The following ZFPM2 variants were observed in gnomAD, a reference collection of about 807,000 sequenced individuals.
ZFPM2 encodes zinc finger protein ZFPM2.
In ZFPM2, 20 loss-of-function variants were observed where a neutral mutation model predicts 98.6. The ratio of observed to expected loss-of-function variants is 0.20; its 90% CI spans 0.14 to 0.29. ZFPM2 has a LOEUF of 0.29. Among genes scored for constraint, ZFPM2 ranks in the 10% least tolerant of loss-of-function variants. The pLI is 1.00. For missense variants in ZFPM2, 1,310 were observed against 1,388.6 expected, an observed-to-expected ratio of 0.94 and a Z score of 0.90; for synonymous variants, 518 against 502.7, an observed-to-expected ratio of 1.03 and a Z score of -0.41.
intron 1 of ZFPM2, among the ~76,000 whole-genome samples, chr8:105,384,041 T>C (rs1480253077): frequency 1.3e-5 from 2 of 152,144 alleles, no homozygotes; most frequent in Admixed American, 6.6e-5. Flanking sequence ...GGAAATATGC[T>C]ATAATTAATT....
At chr8:105,792,511 T>C (rs1813647706) in intron 6 of ZFPM2, among the ~76,000 whole-genome samples, 1 of 152,210 alleles carries the variant, frequency 6.6e-6, no homozygotes, top group East Asian at 1.9e-4. Flanking sequence ...TACTTCCAAC[T>C]GTGTAGTCAA....
intron 3 of ZFPM2, among the ~76,000 whole-genome samples, chr8:105,489,283 G>C (rs540051868): frequency 2.0e-5 from 3 of 150,934 alleles, no homozygotes; most frequent in African/African-American, 7.3e-5. Flanking sequence ...AATAATGTCG[G>C]TAATAAGATG....
intron 3 of ZFPM2, among the ~76,000 whole-genome samples, chr8:105,535,635 C>T (rs879652955): frequency 6.6e-6 from 1 of 152,140 alleles, no homozygotes; most frequent in Non-Finnish European, 1.5e-5. Flanking sequence ...TAAAGTCAGT[C>T]TCAGGCCTAG....
At chr8:105,710,867 T>C (rs1294195452) in intron 5 of ZFPM2, among the ~76,000 whole-genome samples, 1 of 152,122 alleles carries the variant, frequency 6.6e-6, no homozygotes, top group Non-Finnish European at 1.5e-5. Context: ...TAGTAACTTA[T>C]TCGTAAGGTC....
chr8:105,797,767 CTCA>C (rs1226818580), intron 6 of ZFPM2, among the ~76,000 whole-genome samples: 1 of 152,188 alleles, frequency 6.6e-6, no homozygotes, highest in Non-Finnish European at 1.5e-5. Context: ...TCAGGCTGAG[CTCA>C]TCATCTTCCC....
At chr8:105,377,930 G>C (rs1002892354) in intron 1 of ZFPM2, among the ~76,000 whole-genome samples, 4 of 152,126 alleles carry the variant, frequency 2.6e-5, no homozygotes, top group Admixed American at 1.3e-4. Context: ...AGAGTATTCT[G>C]TTTCCCTTTC....
At position 105,726,237 on chromosome 8, in the gene ZFPM2, A is replaced by G. The variant is rs1461935223; in HGVS notation, c.533-62481A>G. On this transcript the variant is annotated intron_variant, in intron 5 of 7. Transcript: ENST00000407775. ...TTAATAAGAATTATTTGGAGAGGCT[A>G]AAGTGTCATTAACAGCCAAATGCTA... Among the ~76,000 whole-genome samples, 4 of 151,574 alleles carry G rather than the reference A, an allele frequency of 2.6e-5. No individual in the cohort carries two copies. In the East Asian group the frequency reaches 7.8e-4, roughly 30 times the overall value.
chr8:105,514,113 C>T (rs1369955512), intron 3 of ZFPM2, among the ~76,000 whole-genome samples: 1 of 151,392 alleles, frequency 6.6e-6, no homozygotes, highest in Non-Finnish European at 1.5e-5. Context: ...AGTGATTCTC[C>T]TGCCTCAGCC....
intron 1 of ZFPM2, among the ~76,000 whole-genome samples, chr8:105,385,952 G>A (rs1428252314): frequency 6.6e-6 from 1 of 152,176 alleles, no homozygotes; most frequent in Non-Finnish European, 1.5e-5. Context: ...CCACCTCCAT[G>A]TGACCTTGAG....
intron 2 of ZFPM2, among the ~76,000 whole-genome samples, chr8:105,438,350 G>A (rs1364099706): frequency 6.6e-6 from 1 of 152,154 alleles, no homozygotes; most frequent in African/African-American, 2.4e-5. Flanking sequence ...TGTATTCTCA[G>A]TGCCCAACAC....
chr8:105,326,210 A>G (rs751648357), intron 1 of ZFPM2, among the ~76,000 whole-genome samples: 15 of 151,756 alleles, frequency 9.9e-5, no homozygotes, highest in Non-Finnish European at 1.5e-4. Flanking sequence ...TACAAATATA[A>G]TAAAAGATCG....
chr8:105,795,926 A>G, intron 6 of ZFPM2: 1 of 277,912 alleles, frequency 3.6e-6, no homozygotes, highest in Non-Finnish European at 7.2e-6. Context: ...CTAATCAAAA[A>G]TATACTTTAA....
At chr8:105,557,916 A>G (rs1223900757) in intron 3 of ZFPM2, among the ~76,000 whole-genome samples, 1 of 152,120 alleles carries the variant, frequency 6.6e-6, no homozygotes. Flanking sequence ...TAGGGAAGGA[A>G]AATCATGCTA....
At chr8:105,609,997 G>T (rs1430185123) in intron 4 of ZFPM2, among the ~76,000 whole-genome samples, 13 of 152,118 alleles carry the variant, frequency 8.5e-5, no homozygotes, top group Admixed American at 8.5e-4. Flanking sequence ...ACCACCCATC[G>T]CAGCCCTCTT....
intron 3 of ZFPM2, among the ~76,000 whole-genome samples, chr8:105,506,432 TTAAAAA>T (rs1156474136): frequency 6.6e-6 from 1 of 152,214 alleles, no homozygotes; most frequent in Non-Finnish European, 1.5e-5. Flanking sequence ...AGATTATTTC[TTAAAAA>T]TGAAATATAA....
rs1814032513 is a variant in ZFPM2 at position 105,801,917 on chromosome 8, A to G, written c.1835A>G (p.His612Arg). The part of the protein sequence containing the change: ...TSINLLNPAA[H>R]SADPENPLLQ... ...ATAAACCTTCTCAACCCAGCTGCTC[A>G]TTCTGCTGATCCTGAGAATCCACTT... Residue 612 changes from histidine to arginine, a missense_variant, in exon 8 of 8, where the codon CAT (histidine) becomes CGT (arginine). Transcript: ENST00000407775. The G allele has an allele frequency of 1.9e-6, 3 of 1,613,936 alleles. No homozygotes were observed. The highest frequency in any genetic ancestry group is 2.7e-5 in the African/African-American group (2 of 75,050).
chr8:105,570,244 T>C (rs1815326088), intron 4 of ZFPM2, among the ~76,000 whole-genome samples: 1 of 152,164 alleles, frequency 6.6e-6, no homozygotes, highest in Admixed American at 6.5e-5. Flanking sequence ...AGCAGAGCCT[T>C]GGAAAGTGAT....
chr8:105,643,460 T>C lies in ZFPM2; in HGVS notation c.532+9103T>C, dbSNP rs545624160. Among the ~76,000 whole-genome samples, 192 of 152,222 alleles carry C rather than the reference T, an allele frequency of 1.3e-3. 1 individual carries two copies. The highest frequency in any genetic ancestry group is 2.5e-3 in the Non-Finnish European group (170 of 68,024). ...TTACTGGCCTGGTAATTCCTCATTC[T>C]AGTTAATCCAGCTCTCCACTTTCTC... is the stretch of plus-strand genomic sequence containing the variant. On this transcript the variant is annotated intron_variant, in intron 5 of 7. Transcript: ENST00000407775.
chr8:105,430,901 C>CTTTT (rs570944607), intron 2 of ZFPM2, among the ~76,000 whole-genome samples: 1 of 128,822 alleles, frequency 7.8e-6, no homozygotes. Flanking sequence ...TTGTCCACAA[C>CTTTT]TTTTTTTTTT....
Sources: gnomAD v4.1 joint callset for allele counts (sites outside exome capture counted in the v4.1 genomes callset) on GRCh38, gnomAD v4.1.1 for gene constraint, MANE v1.5 for transcripts, NCBI Gene and HGNC (gene_info 2026-07-23, HGNC 2026-07-21) for gene names.